The following MAPK6 variants were observed in gnomAD, a reference collection of about 807,000 sequenced individuals.
MAPK6 encodes mitogen-activated protein kinase 6.
A neutral mutation model predicts 59.3 loss-of-function variants in MAPK6; 19 were observed. That is an observed-to-expected ratio of 0.32 (90% confidence interval 0.22 to 0.47). The LOEUF (loss-of-function observed/expected upper bound fraction) is 0.47, where lower values mean the gene tolerates loss of function less well. Among genes scored for constraint, MAPK6 ranks in the 20% least tolerant of loss-of-function variants. The pLI, the probability that MAPK6 is intolerant of heterozygous loss-of-function variation, is 1.00. For missense variants in MAPK6, 724 were observed against 847.9 expected (o/e 0.85, Z 1.81); for synonymous variants, 316 against 290.3 (o/e 1.09, Z -0.90).
chr15:52,022,208 C>A (rs1284766561), intron 1 of MAPK6, among the ~76,000 whole-genome samples: 1 of 152,094 alleles, frequency 6.6e-6, no homozygotes, highest in Non-Finnish European at 1.5e-5. Flanking sequence ...TCTGGTTTTT[C>A]TGTGTATACT....
chr15:52,009,394 C>A (rs900414735), intron 3 of MAPK6, among the ~76,000 whole-genome samples: 3 of 152,170 alleles, frequency 2.0e-5, no homozygotes, highest in African/African-American at 4.8e-5. Flanking sequence ...TTGGGCCTCT[C>A]AAGATAGAAG....
chr15:51,976,674 G>C (rs1431115939), intron 1 of MAPK6, among the ~76,000 whole-genome samples: 1 of 151,836 alleles, frequency 6.6e-6, no homozygotes, highest in Non-Finnish European at 1.5e-5. Context: ...GCCGGGTGTG[G>C]TGGCTCACAC....
chr15:52,017,243 G>T, upstream of MAPK6: 1 of 152,416 alleles, frequency 6.6e-6, no homozygotes, highest in Non-Finnish European at 1.5e-5. Flanking sequence ...AGCAAAGGGT[G>T]GTGGATTATC....
chr15:51,986,407 A>C (rs2057191384), intron 2 of MAPK6, among the ~76,000 whole-genome samples: 1 of 152,182 alleles, frequency 6.6e-6, no homozygotes, highest in Admixed American at 6.6e-5. Flanking sequence ...ATGTTCATAC[A>C]GTTGCACAAG....
rs1438128670 is a variant in MAPK6 at position 52,065,694 on chromosome 15, TATTTA to T, written c.*698_*702del. ...TTTTAGCAAATCAGTATATTTTCTG[TATTTA>T]ATTATAAAAAATTAACTTAGTTTTT... On this transcript the variant is annotated 3_prime_UTR_variant, in exon 6 of 6. Coordinates refer to ENST00000261845, the MANE Select transcript of MAPK6 (RefSeq NM_002748.4). The T allele has an allele frequency of 2.0e-5, 3 of 152,452 alleles. No homozygotes were observed. The highest frequency in any genetic ancestry group is 4.4e-5 in the Non-Finnish European group (3 of 67,984). 9.4% of individuals were successfully genotyped at this position (152,452 alleles called of 1,614,324 possible).
chr15:51,992,521 G>A (rs1263430572), intron 2 of MAPK6, among the ~76,000 whole-genome samples: 1 of 151,380 alleles, frequency 6.6e-6, no homozygotes, highest in Non-Finnish European at 1.5e-5. Flanking sequence ...AGCCAGGATG[G>A]TCTCGATCTT....
chr15:52,047,621 C>T (rs146892288), intron 2 of MAPK6, among the ~76,000 whole-genome samples: 1 of 151,058 alleles, frequency 6.6e-6, no homozygotes, highest in South Asian at 2.1e-4. Context: ...GCTAGGATTA[C>T]AGGTGTGAGC....
At chr15:52,000,103 A>G (rs1470587248) in intron 2 of MAPK6, among the ~76,000 whole-genome samples, 1 of 151,288 alleles carries the variant, frequency 6.6e-6, no homozygotes. Context: ...GTACCTGGCT[A>G]ATTTTGTTTT....
At chr15:52,016,323 A>G (rs528555754), upstream of MAPK6, among the ~76,000 whole-genome samples, 1 of 151,674 alleles carries the variant, frequency 6.6e-6, no homozygotes, top group East Asian at 1.9e-4. Context: ...CGGGAGGCGG[A>G]GGTTGCAGTG....
intron 1 of MAPK6, among the ~76,000 whole-genome samples, chr15:52,038,472 TG>T (rs2031313634): frequency 6.6e-6 from 1 of 152,222 alleles, no homozygotes; most frequent in African/African-American, 2.4e-5. Context: ...TACTTTTCTC[TG>T]CTACATTGCA....
At position 51,982,946 on chromosome 15, in the gene MAPK6, T is replaced by A. The variant is rs186073002; in HGVS notation, c.-879-260T>A. Among the ~76,000 whole-genome samples, 16 of 152,326 alleles carry A rather than the reference T, an allele frequency of 1.1e-4. No individual in the cohort carries two copies. The East Asian group carries it at 2.9e-3, about 28-fold the overall frequency. ...GACAGGCAGGATTAATTCCTTTCTT[T>A]AAATGGGTGTGACATTTTAGGTTAA... On this transcript the variant is annotated intron_variant, in intron 1 of 7. Transcript: ENST00000691380.
intron 2 of MAPK6, 37 bp downstream of exon 2, chr15:52,047,052 C>A: frequency 7.2e-7 from 1 of 1,397,502 alleles, no homozygotes; most frequent in Non-Finnish European, 9.6e-7. Flanking sequence ...GATCTTTAAA[C>A]TGATACACCT....
At chr15:52,027,198 G>A (rs973948423) in intron 1 of MAPK6, among the ~76,000 whole-genome samples, 5 of 150,452 alleles carry the variant, frequency 3.3e-5, no homozygotes, top group African/African-American at 7.3e-5. Flanking sequence ...CTAAAAATAC[G>A]AAAAAACTGG....
chr15:52,044,397 C>T (rs1251744274), intron 1 of MAPK6, among the ~76,000 whole-genome samples: 1 of 152,112 alleles, frequency 6.6e-6, no homozygotes, highest in Non-Finnish European at 1.5e-5. Context: ...CAATGAGTTG[C>T]GTTTACTGAG....
rs573297179 is a variant in MAPK6, at chr15:52,001,784, T to C, written c.-769-2481T>C. Among the ~76,000 whole-genome samples the C allele has an allele frequency of 4.6e-5, 7 of 152,242 alleles. No individual in the cohort carries two copies. The East Asian group carries it at 1.4e-3, about 29-fold the overall frequency. ...TCAGCCTCCCAAAGTGGTGGGATTA[T>C]AGGCGTGATCCGCCACTCCTGGCCG... On this transcript the variant is annotated intron_variant, in intron 2 of 7. Transcript: ENST00000691380.
intron 1 of MAPK6, among the ~76,000 whole-genome samples, chr15:51,972,461 A>G (rs1242476225): frequency 7.7e-6 from 1 of 129,952 alleles, no homozygotes; most frequent in African/African-American, 2.9e-5. Flanking sequence ...TACGGTAATA[A>G]ATTTTTAAGT....
In MAPK6 at chr15:52,026,160, G is replaced by C. The variant is rs140868990; in HGVS notation, c.-632+6784G>C. ...GTTATCCTGTGGAAAGCATTGGCAG[G>C]ATAGTTTTTGCCTCTGGCCTAGTCC... On this transcript the variant is annotated intron_variant, in intron 1 of 5. Coordinates refer to ENST00000261845, the MANE Select transcript of MAPK6 (RefSeq NM_002748.4). Among the ~76,000 whole-genome samples, 663 of 152,308 alleles carry C rather than the reference G, an allele frequency of 4.4e-3. 1 individual carries two copies. The highest frequency in any genetic ancestry group is 6.5e-3 in the Admixed American group (99 of 15,302).
chr15:51,981,807 G>T (rs1467711846), intron 1 of MAPK6, among the ~76,000 whole-genome samples: 1 of 152,108 alleles, frequency 6.6e-6, no homozygotes, highest in African/African-American at 2.4e-5. Flanking sequence ...GGTACGGAGG[G>T]TGCTGTGGGT....
At chr15:52,033,721 A>G (rs2031132871) in intron 1 of MAPK6, 1 of 152,182 alleles carries the variant, frequency 6.6e-6, no homozygotes, top group Admixed American at 6.5e-5. Flanking sequence ...TTTCATATAT[A>G]CATAAAACTT....
Sources: allele counts gnomAD v4.1 joint callset (sites outside exome capture counted in the v4.1 genomes callset), GRCh38; gene constraint gnomAD v4.1.1; transcripts MANE v1.5; gene names NCBI Gene and HGNC (gene_info 2026-07-23, HGNC 2026-07-21).